Variants in CADM2 observed in about 807,000 individuals in gnomAD.
CADM2 encodes the protein immunoglobulin superfamily member 4D.
Under a neutral mutation model 49.8 loss-of-function variants are expected in CADM2, and 12 were observed. The observed-to-expected ratio is 0.24, with a 90% confidence interval of 0.15 to 0.39. The LOEUF is 0.39. Ranked by LOEUF, CADM2 falls within the 10% of genes least tolerant of loss-of-function variation. CADM2 has a pLI of 1.00. For synonymous variants in CADM2, 214 were observed against 175.4 expected (o/e 1.22, Z -1.74); for missense variants, 378 against 492.3 (o/e 0.77, Z 2.20).
chr3:85,605,751 T>G (rs2063522545), intron 1 of CADM2, among the ~76,000 whole-genome samples: 1 of 152,182 alleles, frequency 6.6e-6, no homozygotes, highest in Non-Finnish European at 1.5e-5. Flanking sequence ...ATCTTTCCAA[T>G]TTTTCTGTCT....
At chr3:85,807,899 T>TA (rs1400419809) in intron 3 of CADM2, among the ~76,000 whole-genome samples, 1 of 152,158 alleles carries the variant, frequency 6.6e-6, no homozygotes, top group Non-Finnish European at 1.5e-5. Flanking sequence ...GATTTTTTTT[T>TA]ACCATTTAAA....
intron 8 of CADM2, among the ~76,000 whole-genome samples, chr3:86,011,201 T>C (rs562388070): frequency 2.0e-5 from 3 of 152,146 alleles, no homozygotes; most frequent in African/African-American, 7.2e-5. Flanking sequence ...GAAATATTAA[T>C]CAATTTTACT....
In CADM2 at chr3:85,704,868, T is replaced by TA. The variant is rs912366546; in HGVS notation, c.62-21654_62-21653insA. Among the ~76,000 whole-genome samples the TA allele has an allele frequency of 6.4e-4, 91 of 142,704 alleles. 2 individuals are homozygous for TA. The highest frequency in any genetic ancestry group is 8.1e-4 in the East Asian group (4 of 4,908). 93.6% of individuals were successfully genotyped at this position (142,704 alleles called of 152,430 possible). A position where few individuals can be genotyped will look rare whatever the true frequency, so the allele number is the denominator to read the frequency against. The stretch of plus-strand genomic sequence containing the variant: ...TTTATTTATTTATTATTATTATTAT[T>TA]TTTTTTTTTTGATGGAGTCTCGCTC... On this transcript the variant is annotated intron_variant, in intron 1 of 9. Coordinates refer to ENST00000383699, the MANE Select transcript of CADM2 (RefSeq NM_001167675.2).
chr3:85,091,418 A>C (rs1396458107), intron 1 of CADM2, among the ~76,000 whole-genome samples: 2 of 152,204 alleles, frequency 1.3e-5, no homozygotes, highest in African/African-American at 4.8e-5. Flanking sequence ...AAACATACGA[A>C]GTATAATACT....
intron 6 of CADM2, among the ~76,000 whole-genome samples, chr3:85,917,521 G>A (rs555849862): frequency 9.3e-4 from 142 of 152,102 alleles, no homozygotes; most frequent in African/African-American, 3.2e-3. Flanking sequence ...TGTTCCATTG[G>A]CCTATATCTC....
chr3:85,589,300 C>T (rs1214112530), intron 1 of CADM2, among the ~76,000 whole-genome samples: 1 of 152,060 alleles, frequency 6.6e-6, no homozygotes, highest in South Asian at 2.1e-4. Flanking sequence ...ATTTGAGTTT[C>T]TGACCCTAAA....
chr3:85,118,114 T>A, intron 1 of CADM2, among the ~76,000 whole-genome samples: 1 of 152,178 alleles, frequency 6.6e-6, no homozygotes, highest in East Asian at 1.9e-4. Flanking sequence ...TAAAGGGTTT[T>A]TTTTTCTTTT....
At chr3:85,313,506 T>A (rs1280933323) in intron 1 of CADM2, among the ~76,000 whole-genome samples, 1 of 152,172 alleles carries the variant, frequency 6.6e-6, no homozygotes, top group East Asian at 1.9e-4. Flanking sequence ...ATATCAAACC[T>A]TCAGTTCACT....
At chr3:85,121,574 T>C (rs1010067842) in intron 1 of CADM2, among the ~76,000 whole-genome samples, 1 of 152,126 alleles carries the variant, frequency 6.6e-6, no homozygotes, top group Non-Finnish European at 1.5e-5. Flanking sequence ...CTCAAATATG[T>C]CCATAGATGA....
intron 1 of CADM2, among the ~76,000 whole-genome samples, chr3:85,357,801 C>A (rs773732462): frequency 4.6e-5 from 7 of 151,994 alleles, no homozygotes; most frequent in Non-Finnish European, 5.9e-5. Context: ...GAGATTGTAT[C>A]ATTTAAAGTT....
intron 1 of CADM2, among the ~76,000 whole-genome samples, chr3:85,169,993 T>A (rs1026886391): frequency 6.6e-6 from 1 of 152,158 alleles, no homozygotes; most frequent in African/African-American, 2.4e-5. Flanking sequence ...AATCAAAATA[T>A]GTGTTTCCCC....
At chr3:85,941,144 G>T (rs1470623521) in intron 7 of CADM2, among the ~76,000 whole-genome samples, 2 of 152,046 alleles carry the variant, frequency 1.3e-5, no homozygotes, top group Non-Finnish European at 2.9e-5. Flanking sequence ...TATATGAAAT[G>T]TCGGCCTCCA....
intron 2 of CADM2, among the ~76,000 whole-genome samples, chr3:85,786,249 TGTA>T (rs1481258556): frequency 6.6e-6 from 1 of 152,132 alleles, no homozygotes; most frequent in Non-Finnish European, 1.5e-5. Flanking sequence ...AGATTAAAAA[TGTA>T]GTAATCCCAA....
intron 1 of CADM2, among the ~76,000 whole-genome samples, chr3:85,507,239 A>C (rs577325872): frequency 3.8e-4 from 55 of 143,926 alleles, no homozygotes; most frequent in African/African-American, 1.4e-3. Context: ...GCTGGAGTGC[A>C]GTGGTGCGAT....
chr3:85,367,202 A>G (rs1021143584), intron 1 of CADM2, among the ~76,000 whole-genome samples: 1 of 152,098 alleles, frequency 6.6e-6, no homozygotes, highest in African/African-American at 2.4e-5. Context: ...ATTAATATAA[A>G]TCTAAACTTA....
intron 3 of CADM2, among the ~76,000 whole-genome samples, chr3:85,859,790 C>T (rs1442314297): frequency 1.3e-5 from 2 of 152,112 alleles, no homozygotes; most frequent in Admixed American, 6.6e-5. Context: ...TTATGTCAGT[C>T]TTTATGTTGT....
intron 8 of CADM2, among the ~76,000 whole-genome samples, chr3:85,969,510 C>T (rs929966571): frequency 6.6e-6 from 1 of 151,144 alleles, no homozygotes; most frequent in African/African-American, 2.4e-5. Context: ...TTTTCCATTA[C>T]CATCTAAATT....
intron 1 of CADM2, among the ~76,000 whole-genome samples, chr3:85,554,289 C>T (rs553902437): frequency 6.6e-6 from 1 of 152,268 alleles, no homozygotes; most frequent in African/African-American, 2.4e-5. Context: ...GAATCTAATG[C>T]CGCCCCTGAA....
intron 3 of CADM2, among the ~76,000 whole-genome samples, chr3:85,826,034 A>T (rs1193866760): frequency 6.6e-6 from 1 of 152,098 alleles, no homozygotes; most frequent in Non-Finnish European, 1.5e-5. Context: ...AATATCTCTG[A>T]AAGTAAAATA....
Sources: allele counts gnomAD v4.1 joint callset (sites outside exome capture counted in the v4.1 genomes callset), GRCh38; gene constraint gnomAD v4.1.1; transcripts MANE v1.5; gene names NCBI Gene and HGNC (gene_info 2026-07-23, HGNC 2026-07-21).